Variants in TMEM132D observed in about 807,000 individuals in gnomAD.
TMEM132D encodes mature OL transmembrane protein.
In TMEM132D, 21 loss-of-function variants were observed where a neutral mutation model predicts 62.3. That is an observed-to-expected ratio of 0.34 (90% CI 0.24 to 0.49). TMEM132D has a LOEUF of 0.49. Ranked by LOEUF, TMEM132D falls within the 20% of genes least tolerant of loss-of-function variation. The pLI, the probability that TMEM132D is intolerant of heterozygous loss-of-function variation, is 0.99. For missense variants in TMEM132D, 1,346 were observed against 1,402.8 expected, an observed-to-expected ratio of 0.96 and a Z score of 0.65; for synonymous variants, 621 against 575.6, an observed-to-expected ratio of 1.08 and a Z score of -1.13.
At chr12:129,869,590 G>A (rs1874177770) in intron 1 of TMEM132D, among the ~76,000 whole-genome samples, 1 of 152,068 alleles carries the variant, frequency 6.6e-6, no homozygotes, top group Admixed American at 6.5e-5. Context: ...TTTTCAATCT[G>A]AAGTTGGTTG....
At chr12:129,806,876 T>G (rs917483820) in intron 1 of TMEM132D, among the ~76,000 whole-genome samples, 3 of 151,232 alleles carry the variant, frequency 2.0e-5, no homozygotes, top group African/African-American at 7.3e-5. Context: ...AATAAACAAA[T>G]AAATAAAACT....
chr12:129,151,572 C>G (rs1001195256), intron 5 of TMEM132D, among the ~76,000 whole-genome samples: 1 of 152,198 alleles, frequency 6.6e-6, no homozygotes. Context: ...CATATGGTCA[C>G]GGCGCGTGTA....
chr12:129,692,155 C>A (rs1391543541), intron 2 of TMEM132D, among the ~76,000 whole-genome samples: 1 of 152,090 alleles, frequency 6.6e-6, no homozygotes, highest in African/African-American at 2.4e-5. Flanking sequence ...ACTAGTATCT[C>A]TCAGTAATAT....
At chr12:129,102,495 C>T (rs926330550) in intron 5 of TMEM132D, among the ~76,000 whole-genome samples, 3 of 150,436 alleles carry the variant, frequency 2.0e-5, no homozygotes, top group Non-Finnish European at 4.4e-5. Context: ...CACACACACA[C>T]ACTTGCATAT....
intron 4 of TMEM132D, among the ~76,000 whole-genome samples, chr12:129,255,598 C>A (rs866484576): frequency 2.0e-5 from 3 of 152,132 alleles, no homozygotes; most frequent in African/African-American, 7.2e-5. Flanking sequence ...TTGCATGGTA[C>A]ATAAAATATT....
intron 4 of TMEM132D, among the ~76,000 whole-genome samples, chr12:129,223,878 T>C (rs1307235570): frequency 2.0e-5 from 3 of 152,244 alleles, no homozygotes; most frequent in Non-Finnish European, 4.4e-5. Context: ...CTCTTACAAA[T>C]ATTGTTCACT....
chr12:129,137,612 C>T (rs1022390438), intron 5 of TMEM132D, among the ~76,000 whole-genome samples: 3 of 152,134 alleles, frequency 2.0e-5, no homozygotes, highest in Non-Finnish European at 4.4e-5. Flanking sequence ...CTCTGTGATA[C>T]CTTCTAGACA....
chr12:129,221,293 A>G (rs898821957), intron 4 of TMEM132D, among the ~76,000 whole-genome samples: 3 of 152,194 alleles, frequency 2.0e-5, no homozygotes, highest in Non-Finnish European at 4.4e-5. Flanking sequence ...CGTGGAGAAG[A>G]GCTTCCTCCT....
chr12:129,761,769 T>C (rs1460684233), intron 1 of TMEM132D, among the ~76,000 whole-genome samples: 5 of 152,004 alleles, frequency 3.3e-5, no homozygotes, highest in Non-Finnish European at 7.4e-5. Context: ...ACTTCCAACT[T>C]CTGTTGGAAG....
At chr12:129,309,324 C>T (rs1441677606) in intron 4 of TMEM132D, among the ~76,000 whole-genome samples, 2 of 152,166 alleles carry the variant, frequency 1.3e-5, no homozygotes, top group Non-Finnish European at 2.9e-5. Flanking sequence ...AAAGGGAAGG[C>T]ATAGTCCAAT....
At chr12:129,550,346 T>C (rs1170846233) in intron 2 of TMEM132D, among the ~76,000 whole-genome samples, 1 of 152,194 alleles carries the variant, frequency 6.6e-6, no homozygotes, top group Non-Finnish European at 1.5e-5. Context: ...AACTGTAAAA[T>C]GGGATTTGTC....
intron 3 of TMEM132D, among the ~76,000 whole-genome samples, chr12:129,497,929 A>G (rs1875009512): frequency 6.6e-6 from 1 of 151,832 alleles, no homozygotes; most frequent in Admixed American, 6.6e-5. Context: ...CGAAAGGGCT[A>G]AGATTAGAGG....
chr12:129,102,414 C>T (rs752079652), intron 5 of TMEM132D, among the ~76,000 whole-genome samples: 14 of 151,698 alleles, frequency 9.2e-5, no homozygotes, highest in East Asian at 5.8e-4. Flanking sequence ...CACACATGCA[C>T]GCACACTCGC....
intron 1 of TMEM132D, among the ~76,000 whole-genome samples, chr12:129,818,088 G>T (rs1051209881): frequency 6.7e-6 from 1 of 149,140 alleles, no homozygotes; most frequent in Admixed American, 6.7e-5. Context: ...GTGTGGTGTG[G>T]GGTGTGTGCG....
At chr12:129,709,515 A>T (rs1482642790) in intron 1 of TMEM132D, among the ~76,000 whole-genome samples, 2 of 152,242 alleles carry the variant, frequency 1.3e-5, no homozygotes, top group Non-Finnish European at 2.9e-5. Flanking sequence ...TCAGATTCTG[A>T]ATTTCTTTGC....
intron 2 of TMEM132D, 123 bp downstream of exon 2, chr12:129,699,687 G>A (rs772751999): frequency 7.2e-6 from 9 of 1,253,192 alleles, no homozygotes; most frequent in Non-Finnish European, 1.0e-5. Context: ...GATGGAGTTT[G>A]TAAGAACGGG....
chr12:129,231,607 C>T (rs1455723842), intron 4 of TMEM132D, among the ~76,000 whole-genome samples: 1 of 152,138 alleles, frequency 6.6e-6, no homozygotes, highest in Non-Finnish European at 1.5e-5. Context: ...TTAAGCCGGG[C>T]TTTGGCAGAA....
At chr12:129,465,875 G>T (rs1873874623) in intron 3 of TMEM132D, among the ~76,000 whole-genome samples, 1 of 152,064 alleles carries the variant, frequency 6.6e-6, no homozygotes, top group Non-Finnish European at 1.5e-5. Context: ...TAGAGATGGG[G>T]TTTCACCACG....
chr12:129,078,983 C>T (rs945196928), intron 7 of TMEM132D, among the ~76,000 whole-genome samples: 3 of 152,192 alleles, frequency 2.0e-5, no homozygotes, highest in East Asian at 1.9e-4. Flanking sequence ...ACACCCCACA[C>T]ATCAGCTCCG....
Sources: allele counts gnomAD v4.1 joint callset (sites outside exome capture counted in the v4.1 genomes callset), GRCh38; gene constraint gnomAD v4.1.1; transcripts MANE v1.5; gene names NCBI Gene and HGNC (gene_info 2026-07-23, HGNC 2026-07-21).